SEC31B: variants seen among roughly 807,000 people sequenced by gnomAD.
The protein encoded by SEC31B is SEC31 homolog B, COPII component, also known as protein transport protein Sec31B.
A neutral mutation model predicts 135.0 loss-of-function variants in SEC31B; 113 were observed. The ratio of observed to expected loss-of-function variants is 0.84; its 90% CI spans 0.72 to 0.98. The LOEUF is 0.98. Ranked by LOEUF, SEC31B falls within the 50% of genes least tolerant of loss-of-function variation. The pLI is 0.00. For synonymous variants in SEC31B, 508 were observed against 549.4 expected (o/e 0.92, Z 1.05); for missense variants, 1,296 against 1,421.1 (o/e 0.91, Z 1.42).
chr10:100,516,152 A>G lies in SEC31B; in HGVS notation c.147T>C (p.Asp49=), dbSNP rs748048262. The G allele has an allele frequency of 1.6e-5, 26 of 1,614,096 alleles. No homozygotes were observed. In the South Asian group the frequency reaches 2.9e-4, roughly 18 times the overall value. ...TNGTLEIFEV[D]FRDPSLDLKH... Reference sequence around the variant, plus strand: ...TCAAGTCCAGAGAAGGGTCCCTGAAATCAACCTCAAATATTTCCAATGTGC... The same window carrying G: ...TCAAGTCCAGAGAAGGGTCCCTGAAGTCAACCTCAAATATTTCCAATGTGC... Residue 49 remains aspartate, a synonymous_variant, in exon 3 of 26, where the codon GAT becomes GAC. Transcript: ENST00000370345.
chr10:100,499,113 G>A, intron 13 of SEC31B, 47 bp downstream of exon 13: 2 of 1,495,206 alleles, frequency 1.3e-6, no homozygotes, highest in Non-Finnish European at 1.9e-6. Flanking sequence ...CCAAAAGGCA[G>A]GTTTCCTGTG....
rs185780122 is a variant in SEC31B at position 100,508,613 on chromosome 10, C to T, written c.495+394G>A. On this transcript the variant is annotated intron_variant, in intron 5 of 25. Coordinates refer to ENST00000370345, the MANE Select transcript of SEC31B (RefSeq NM_015490.4). Reference sequence around the variant, plus strand: ...TACAGGGAGAACAAAGCTGACCCCCCCCTCCATAAAAAGGACAATGGTATG... The same window carrying T: ...TACAGGGAGAACAAAGCTGACCCCCTCCTCCATAAAAAGGACAATGGTATG... 4.7e-5 allele frequency: 20 copies of T among 425,268 alleles called. No individual in the cohort carries two copies. In the East Asian group the frequency reaches 8.1e-4, roughly 17 times the overall value. The allele number at this position is 425,268 out of a possible 1,614,324, so 26.3% of individuals were successfully genotyped here.
chr10:100,507,777 T>C (rs1383556272), intron 6 of SEC31B, 131 bp downstream of exon 6: 3 of 1,363,350 alleles, frequency 2.2e-6, no homozygotes, highest in African/African-American at 2.9e-5. Context: ...CAATAGGAAA[T>C]GTGCTAAGCG....
chr10:100,493,245 C>A (rs866133476), intron 19 of SEC31B, among the ~76,000 whole-genome samples: 1 of 151,916 alleles, frequency 6.6e-6, no homozygotes, highest in Admixed American at 6.6e-5. Flanking sequence ...TGGTGGCGGG[C>A]GCCTGTAGTA....
chr10:100,513,905 C>T (rs1015889299), intron 3 of SEC31B, among the ~76,000 whole-genome samples: 4 of 151,956 alleles, frequency 2.6e-5, no homozygotes, highest in Non-Finnish European at 5.9e-5. Flanking sequence ...AAAATCTCGG[C>T]CGGGTACAGT....
intron 1 of SEC31B, among the ~76,000 whole-genome samples, chr10:100,517,595 C>T (rs1344686756): frequency 6.6e-6 from 1 of 152,192 alleles, no homozygotes; most frequent in Non-Finnish European, 1.5e-5. Context: ...CTCCTGACCT[C>T]AAGTGATCAG....
At chr10:100,506,613 G>A (rs757739695) in intron 7 of SEC31B, 193 bp from the exon 8 acceptor site, 1 of 600,020 alleles carries the variant, frequency 1.7e-6, no homozygotes, top group Admixed American at 3.0e-5. Flanking sequence ...CAGTTGCAGA[G>A]TCAGAACCCA....
intron 3 of SEC31B, among the ~76,000 whole-genome samples, chr10:100,515,729 C>T (rs1851824149): frequency 6.6e-6 from 1 of 152,170 alleles, no homozygotes; most frequent in Admixed American, 6.5e-5. Flanking sequence ...GAGGATCATT[C>T]GTTCTCTTCC....
chr10:100,498,094 C>T lies in SEC31B; in HGVS notation c.1798G>A (p.Gly600Ser). 1.9e-6 allele frequency: 3 copies of T among 1,614,122 alleles called. No individual in the cohort carries two copies. The highest frequency in any genetic ancestry group is 2.5e-6 in the Non-Finnish European group (3 of 1,180,016). ...ADAIILAQAG[G>S]TDLLKQTQER... is the part of the protein sequence containing the mutation. Reference sequence around the variant, plus strand: ...TGTGTTTGCTTCAGCAGATCTGTACCCCCAGCCTGGGCCAGGATAATGGCA... The same window carrying T: ...TGTGTTTGCTTCAGCAGATCTGTACTCCCAGCCTGGGCCAGGATAATGGCA... The change falls in exon 15 of 26, where the codon GGT becomes AGT. Residue 600 changes from glycine to serine, a missense_variant. Coordinates refer to ENST00000370345, the MANE Select transcript of SEC31B (RefSeq NM_015490.4).
rs992642062 is a variant in SEC31B, at chr10:100,505,353, A to G, written c.1179+8T>C. On this transcript the variant is annotated splice_region_variant and intron_variant, in intron 10 of 25. Transcript: ENST00000370345. The stretch of plus-strand genomic sequence containing the variant: ...ACACACACACACCTATACATCCACT[A>G]CACTTACAGCAAATGAAACACCTGT... 1.9e-6 allele frequency: 3 copies of G among 1,613,216 alleles called. No homozygotes were observed. The highest frequency in any genetic ancestry group is 1.7e-6 in the Non-Finnish European group (2 of 1,179,672).
chr10:100,499,560 C>T lies in SEC31B; in HGVS notation c.1449G>A (p.Lys483=). Residue 483 remains lysine (K), a synonymous_variant, in exon 12 of 26, where the codon AAG becomes AAA. Coordinates refer to ENST00000370345, the MANE Select transcript of SEC31B (RefSeq NM_015490.4). ...LEQDSRMKFL[K]LLGYSKDELQ... Reference sequence around the variant, plus strand: ...GCTCATCTTTACTGTATCCTAAAAGCTTTAGGAATTTCATTCTGGAGTCTT... The same window carrying T: ...GCTCATCTTTACTGTATCCTAAAAGTTTTAGGAATTTCATTCTGGAGTCTT... 6.2e-7 allele frequency: 1 copy of T among 1,612,340 alleles called. No individual in the cohort carries two copies. The highest frequency in any genetic ancestry group is 8.5e-7 in the Non-Finnish European group (1 of 1,179,312).
intron 20 of SEC31B, 117 bp from the exon 21 acceptor site, chr10:100,490,439 T>G (rs1236537878): frequency 4.7e-6 from 5 of 1,063,544 alleles, no homozygotes; most frequent in African/African-American, 3.3e-5. Context: ...AATACATGTA[T>G]ATGGAAATCT....
chr10:100,488,411 A>G (rs1589728697), intron 24 of SEC31B, among the ~76,000 whole-genome samples: 1 of 149,584 alleles, frequency 6.7e-6, no homozygotes, highest in South Asian at 2.1e-4. Flanking sequence ...GTGAGCCGAG[A>G]TCGCGCCACT....
intron 1 of SEC31B, among the ~76,000 whole-genome samples, chr10:100,518,978 A>G (rs181253918): frequency 1.4e-3 from 220 of 152,326 alleles, no homozygotes; most frequent in African/African-American, 4.9e-3. Flanking sequence ...ATTCCCTAAC[A>G]ACAAAAATAG....
chr10:100,513,937 C>G (rs955758430), intron 3 of SEC31B, among the ~76,000 whole-genome samples: 1 of 151,942 alleles, frequency 6.6e-6, no homozygotes, highest in African/African-American at 2.4e-5. Flanking sequence ...ATAATCCCAG[C>G]ACTTTGGGAG....
At chr10:100,511,098 A>C (rs1242044206) in intron 3 of SEC31B, among the ~76,000 whole-genome samples, 1 of 152,240 alleles carries the variant, frequency 6.6e-6, no homozygotes, top group East Asian at 1.9e-4. Context: ...TGAGACCTCA[A>C]GGGGGAGTCA....
intron 19 of SEC31B, among the ~76,000 whole-genome samples, chr10:100,492,029 C>G (rs1814679351): frequency 6.6e-6 from 1 of 152,182 alleles, no homozygotes; most frequent in Admixed American, 6.5e-5. Flanking sequence ...AATTTCTGTT[C>G]TTTATAAATT....
Position 100,495,472 on chromosome 10 carries a change from A to G in SEC31B, c.2385T>C (p.Pro795=), listed in dbSNP as rs753099683. The part of the protein sequence containing the change: ...GSAVLGQQSP[P]FPFPRIVVGA... Reference sequence around the variant, plus strand: ...CCACAACAATCCGGGGGAAGGGGAAAGGGGGAGACTGTTGGCCCAAGACAG... The same window carrying G: ...CCACAACAATCCGGGGGAAGGGGAAGGGGGGAGACTGTTGGCCCAAGACAG... Residue 795 remains proline (P), a synonymous_variant, in exon 19 of 26, where the codon CCT becomes CCC. Coordinates refer to ENST00000370345, the MANE Select transcript of SEC31B (RefSeq NM_015490.4). The G allele has an allele frequency of 1.5e-5, 25 of 1,613,820 alleles. No individual in the cohort carries two copies. The highest frequency in any genetic ancestry group is 1.6e-4 in the Middle Eastern group (1 of 6,080).
rs773969001 is a variant in SEC31B at position 100,506,404 on chromosome 10, A to G, written c.799T>C (p.Ser267Pro). The change falls in exon 8 of 26, where the codon TCA becomes CCA. Residue 267 changes from serine (S) to proline (P), a missense_variant. By Grantham distance (74) the Ser-to-Pro change is moderately conservative (BLOSUM62 -1). Coordinates refer to ENST00000370345, the MANE Select transcript of SEC31B (RefSeq NM_015490.4). ...AGCTCAGCATCAGCCTGGCTCCATGACACTGACAAGATCCCCCTAAAAAGA... is the reference window on the plus strand; with the variant it reads ...AGCTCAGCATCAGCCTGGCTCCATGGCACTGACAAGATCCCCCTAAAAAGA... ...ESHSRGILSV[S>P]WSQADAELLL... 5.0e-6 allele frequency: 8 copies of G among 1,614,158 alleles called. No individual in the cohort carries two copies. Among genetic ancestry groups the G allele is most frequent in the Admixed American group, 1.7e-5 (1 of 60,028 alleles).
Sources: allele counts gnomAD v4.1 joint callset (sites outside exome capture counted in the v4.1 genomes callset), GRCh38; gene constraint gnomAD v4.1.1; transcripts MANE v1.5; gene names NCBI Gene and HGNC (gene_info 2026-07-23, HGNC 2026-07-21).